Variants in LRFN5 observed in about 807,000 individuals in gnomAD.
LRFN5 encodes leucine-rich repeat and fibronectin type-III domain-containing protein 5.
LRFN5 carries 24 observed loss-of-function variants against 45.6 expected under a neutral mutation model. The observed-to-expected ratio is 0.53, with a 90% CI of 0.38 to 0.74. The LOEUF (loss-of-function observed/expected upper bound fraction) is 0.74, where lower values mean the gene tolerates loss of function less well. Ranked by LOEUF, LRFN5 falls within the 30% of genes least tolerant of loss-of-function variation. The pLI is 0.00. For synonymous variants in LRFN5, 340 were observed against 313.8 expected, an observed-to-expected ratio of 1.08 and a Z score of -0.88; for missense variants, 776 against 861.5, an observed-to-expected ratio of 0.90 and a Z score of 1.24.
chr14:41,769,527 CATATGTGTGTGTATATATGTAT>C (rs1843230353), intron 2 of LRFN5, among the ~76,000 whole-genome samples: 1 of 152,004 alleles, frequency 6.6e-6, no homozygotes, highest in African/African-American at 2.4e-5. Flanking sequence ...TATATATTTA[CATATGTGTGTGTATATATGTAT>C]ATATGTGTAC....
At chr14:41,699,122 G>A (rs1882733910) in intron 1 of LRFN5, among the ~76,000 whole-genome samples, 1 of 152,018 alleles carries the variant, frequency 6.6e-6, no homozygotes, top group Admixed American at 6.6e-5. Flanking sequence ...AAAGTGAGAA[G>A]AACATGATCA....
chr14:41,641,408 T>G (rs1879571083), intron 1 of LRFN5, among the ~76,000 whole-genome samples: 1 of 152,102 alleles, frequency 6.6e-6, no homozygotes, highest in Non-Finnish European at 1.5e-5. Context: ...GCTTGCTGGT[T>G]GGATGGGAAG....
At position 41,887,825 on chromosome 14, in the gene LRFN5, T is replaced by C. The variant is rs1159193480; in HGVS notation, c.1200T>C (p.Ser400=). 6.2e-7 allele frequency: 1 copy of C among 1,614,076 alleles called. No individual in the cohort carries two copies. The highest frequency in any genetic ancestry group is 2.2e-5 in the East Asian group (1 of 44,852). ...CTGGTTCTTCAGATATCTCAACTTCTACCAAGTCAGGTTCTAATACAAGCA... is the reference window on the plus strand; with the variant it reads ...CTGGTTCTTCAGATATCTCAACTTCCACCAAGTCAGGTTCTAATACAAGCA... The part of the protein sequence containing the change: ...PDPGSSDIST[S]TKSGSNTSSS... Residue 400 remains serine, a synonymous_variant, in exon 3 of 6, where the codon TCT becomes TCC. Coordinates refer to ENST00000298119, the MANE Select transcript of LRFN5 (RefSeq NM_152447.5). This position sits in a 1 kb window ranked among gnomAD's most constrained non-coding sequence, Gnocchi z 4.8.
chr14:41,650,885 A>AAG (rs553509448), intron 1 of LRFN5, among the ~76,000 whole-genome samples: 7,093 of 104,652 alleles, frequency 0.068, 374 homozygotes, highest in Admixed American at 0.085. Context: ...GAGACAGAGA[A>AAG]AGAGAGAGAG....
chr14:41,626,861 G>GA (rs1013856365), intron 1 of LRFN5, among the ~76,000 whole-genome samples: 23 of 152,002 alleles, frequency 1.5e-4, no homozygotes, highest in Non-Finnish European at 2.9e-4. Flanking sequence ...ATTAATAATA[G>GA]AAAAAAACAC....
At chr14:41,712,847 A>T (rs1475816184) in intron 1 of LRFN5, among the ~76,000 whole-genome samples, 1 of 152,156 alleles carries the variant, frequency 6.6e-6, no homozygotes, top group East Asian at 1.9e-4. Flanking sequence ...GGTGATGAAT[A>T]TGTTAATTGT....
chr14:41,870,611 C>G (rs1889986840), intron 2 of LRFN5, among the ~76,000 whole-genome samples: 1 of 152,136 alleles, frequency 6.6e-6, no homozygotes. Flanking sequence ...GGGTCTATCC[C>G]ACAACACATG....
At chr14:41,814,561 A>G (rs1887851716) in intron 2 of LRFN5, among the ~76,000 whole-genome samples, 1 of 152,126 alleles carries the variant, frequency 6.6e-6, no homozygotes, top group Admixed American at 6.6e-5. Context: ...AATTTATTTT[A>G]TTAATAAACT....
At chr14:41,720,851 T>G (rs1343874803) in intron 1 of LRFN5, among the ~76,000 whole-genome samples, 1 of 151,830 alleles carries the variant, frequency 6.6e-6, no homozygotes. Context: ...GAAGGATGTA[T>G]ATTCTCTTGT....
intron 2 of LRFN5, among the ~76,000 whole-genome samples, chr14:41,854,086 A>G (rs969613918): frequency 1.3e-5 from 2 of 152,106 alleles, no homozygotes; most frequent in Non-Finnish European, 2.9e-5. Flanking sequence ...TTTTCCTTGC[A>G]TATTTGTTTA....
intron 2 of LRFN5, among the ~76,000 whole-genome samples, chr14:41,848,902 A>G (rs891377100): frequency 6.6e-6 from 1 of 151,994 alleles, no homozygotes; most frequent in African/African-American, 2.4e-5. Context: ...TTGCTTTGGA[A>G]TACTTCTAGG....
intron 2 of LRFN5, among the ~76,000 whole-genome samples, chr14:41,836,829 G>A (rs976417100): frequency 9.0e-6 from 1 of 110,752 alleles, no homozygotes; most frequent in South Asian, 2.5e-4. Context: ...CTCCTTGTTG[G>A]GTATCTTAAT....
chr14:41,718,232 A>AT (rs1282760860), intron 1 of LRFN5, among the ~76,000 whole-genome samples: 5 of 152,202 alleles, frequency 3.3e-5, no homozygotes, highest in Non-Finnish European at 5.9e-5. Flanking sequence ...AGGAAATATC[A>AT]TATCTATTTG....
At chr14:41,731,226 G>A (rs1011433015) in intron 1 of LRFN5, 4 of 151,674 alleles carry the variant, frequency 2.6e-5, no homozygotes, top group African/African-American at 9.7e-5. Flanking sequence ...AATCATTTGG[G>A]TTTTTATTTA....
intron 1 of LRFN5, among the ~76,000 whole-genome samples, chr14:41,720,022 A>G (rs772028141): frequency 7.2e-5 from 11 of 152,066 alleles, no homozygotes; most frequent in Non-Finnish European, 1.2e-4. Flanking sequence ...CAGGTTTGTC[A>G]TATGAGTATA....
chr14:41,620,541 T>C (rs992453237), intron 1 of LRFN5, among the ~76,000 whole-genome samples: 2 of 152,054 alleles, frequency 1.3e-5, no homozygotes, highest in African/African-American at 4.8e-5. Context: ...TTTGGGAAAA[T>C]TGATCTTATA....
chr14:41,880,141 A>C (rs1017942050), intron 2 of LRFN5, among the ~76,000 whole-genome samples: 1 of 151,388 alleles, frequency 6.6e-6, no homozygotes, highest in Middle Eastern at 3.2e-3. Flanking sequence ...ATTAGCCAGG[A>C]TGGTCTCGAT....
At chr14:41,767,895 T>G (rs1486183317) in intron 2 of LRFN5, among the ~76,000 whole-genome samples, 1 of 152,212 alleles carries the variant, frequency 6.6e-6, no homozygotes, top group Non-Finnish European at 1.5e-5. Flanking sequence ...TGTTTCTAGT[T>G]TAACTTCATG....
intron 2 of LRFN5, among the ~76,000 whole-genome samples, chr14:41,848,573 A>G (rs1487065072): frequency 1.3e-5 from 2 of 151,988 alleles, no homozygotes; most frequent in Non-Finnish European, 1.5e-5. Context: ...AGACTGTAGG[A>G]AAGTCCTTAC....
Sources: allele counts gnomAD v4.1 joint callset (sites outside exome capture counted in the v4.1 genomes callset), GRCh38; gene constraint gnomAD v4.1.1; non-coding constraint Gnocchi (gnomAD v3.1); transcripts MANE v1.5; gene names NCBI Gene and HGNC (gene_info 2026-07-23, HGNC 2026-07-21).